The following LRP2 variants were observed in gnomAD, a reference collection of about 807,000 sequenced individuals.
LRP2 encodes low-density lipoprotein receptor-related protein 2.
Under a neutral mutation model 531.0 loss-of-function variants are expected in LRP2, and 172 were observed. That is an observed-to-expected ratio of 0.32 (90% confidence interval 0.29 to 0.37). LRP2 has a LOEUF of 0.37. Ranked by LOEUF, LRP2 falls within the 10% of genes least tolerant of loss-of-function variation. LRP2 has a pLI of 1.00. For missense variants in LRP2, 5,167 were observed against 5,868.3 expected, an observed-to-expected ratio of 0.88 and a Z score of 3.90; for synonymous variants, 1,992 against 2,027.6, an observed-to-expected ratio of 0.98 and a Z score of 0.47.
intron 16 of LRP2, among the ~76,000 whole-genome samples, chr2:169,263,496 T>G (rs888152190): frequency 6.6e-6 from 1 of 150,506 alleles, no homozygotes; most frequent in Non-Finnish European, 1.5e-5. Context: ...CATGAAAAAA[T>G]GCTCACCATC....
chr2:169,297,465 A>G (rs3770615), intron 4 of LRP2, among the ~76,000 whole-genome samples: 6,083 of 152,244 alleles, frequency 0.04, 245 homozygotes, highest in East Asian at 0.22. Context: ...ATTTGGTTTT[A>G]ATGGAAAGAT....
At chr2:169,261,537 A>T (rs974864297) in intron 16 of LRP2, among the ~76,000 whole-genome samples, 1 of 151,752 alleles carries the variant, frequency 6.6e-6, no homozygotes, top group Non-Finnish European at 1.5e-5. Context: ...AAAAAAAAAG[A>T]ACAATGTAAT....
At chr2:169,282,738 G>T in intron 10 of LRP2, 135 bp downstream of exon 10, 1 of 956,920 alleles carries the variant, frequency 1.0e-6, no homozygotes, top group Non-Finnish European at 1.7e-6. Flanking sequence ...GGCAGTAGGA[G>T]CCATCCCTGA....
At chr2:169,342,414 T>C (rs886183468) in intron 1 of LRP2, among the ~76,000 whole-genome samples, 6 of 152,160 alleles carry the variant, frequency 3.9e-5, no homozygotes, top group Non-Finnish European at 8.8e-5. Flanking sequence ...TCTACCCTCA[T>C]CATCTGTCAC....
At chr2:169,174,950 G>A (rs1194423408) in intron 55 of LRP2, among the ~76,000 whole-genome samples, 1 of 148,682 alleles carries the variant, frequency 6.7e-6, no homozygotes. Flanking sequence ...AGCACATGGT[G>A]AAGAGCCACC....
rs1386254805 is a variant in LRP2, at chr2:169,280,423, C to T, written c.1268G>A (p.Arg423His). ...GAAAGCCACACCCACGGCCACTCCACGATTCTGAGACTCCACTAGGATCCG... is the reference window on the plus strand; with the variant it reads ...GAAAGCCACACCCACGGCCACTCCATGATTCTGAGACTCCACTAGGATCCG... The part of the protein sequence containing the change: ...SFRILVESQN[R>H]GVAVGVAFHY... Residue 423 changes from arginine (R) to histidine (H), a missense_variant, in exon 11 of 79, where the codon CGT (arginine) becomes CAT (histidine). By Grantham distance (29) the Arg-to-His change is conservative (BLOSUM62 0). This residue lies in a region of LRP2 where 2,811 missense variants were observed against 3,058.0 expected (regional missense o/e 0.92). Transcript: ENST00000649046. The T allele has an allele frequency of 5.6e-6, 9 of 1,614,056 alleles. No individual in the cohort carries two copies. The highest frequency in any genetic ancestry group is 4.0e-5 in the African/African-American group (3 of 74,912).
chr2:169,133,163 T>C (rs1184855643), intron 76 of LRP2, among the ~76,000 whole-genome samples: 2 of 152,380 alleles, frequency 1.3e-5, no homozygotes, highest in East Asian at 1.9e-4. Context: ...TAAGATTTCA[T>C]AGTACTACTA....
intron 1 of LRP2, among the ~76,000 whole-genome samples, chr2:169,345,434 G>A (rs922720183): frequency 1.3e-5 from 2 of 152,070 alleles, no homozygotes; most frequent in African/African-American, 4.8e-5. Flanking sequence ...CAAATAAAAG[G>A]CAACAGAGAC....
Position 169,244,918 on chromosome 2 carries a change from A to T in LRP2, c.3205T>A (p.Ser1069Thr). ...LCGTLNNTCS[S>T]SAFTCGHGEC... ...CCATGGCCACAGGTGAACGCCGAAG[A>T]TGAACAGGTATTATCTACAATAGTA... The change falls in exon 22 of 79, where the codon TCT becomes ACT. Residue 1069 changes from serine (S) to threonine (T), a missense_variant. This residue lies in a region of LRP2 where 2,811 missense variants were observed against 3,058.0 expected (regional missense o/e 0.92). Coordinates refer to ENST00000649046, the MANE Select transcript of LRP2 (RefSeq NM_004525.3). 1 of 1,614,238 alleles carries T rather than the reference A, an allele frequency of 6.2e-7. No homozygotes were observed. Among genetic ancestry groups the T allele is most frequent in the Non-Finnish European group, 8.5e-7 (1 of 1,180,032 alleles).
At chr2:169,147,002 G>T in intron 68 of LRP2, 43 bp from the exon 69 acceptor site, 2 of 1,436,840 alleles carry the variant, frequency 1.4e-6, no homozygotes, top group Non-Finnish European at 1.9e-6. Flanking sequence ...CACCTGGTAA[G>T]ACTTCTCCAC....
intron 3 of LRP2, 24 bp downstream of exon 3, chr2:169,318,738 C>T: frequency 6.2e-7 from 1 of 1,613,970 alleles, no homozygotes; most frequent in Non-Finnish European, 8.5e-7. Context: ...AAAGCCAAAG[C>T]AAGATTCCTC....
intron 31 of LRP2, among the ~76,000 whole-genome samples, chr2:169,231,293 C>T (rs1334995078): frequency 1.8e-5 from 2 of 114,066 alleles, no homozygotes; most frequent in Non-Finnish European, 3.4e-5. Flanking sequence ...GACCCTGTCT[C>T]AGAAAGAAAA....
At chr2:169,247,126 A>G in intron 20 of LRP2, 140 bp from the exon 21 acceptor site, 1 of 1,090,592 alleles carries the variant, frequency 9.2e-7, no homozygotes, top group Non-Finnish European at 1.3e-6. Flanking sequence ...TTGGAAATCA[A>G]CCCGCCAAAT....
At chr2:169,186,087 G>A in intron 49 of LRP2, 68 bp from the exon 50 acceptor site, 1 of 1,409,134 alleles carries the variant, frequency 7.1e-7, no homozygotes, top group East Asian at 2.3e-5. Flanking sequence ...ATGGTTCAAA[G>A]TCAACATTTC....
chr2:169,233,025 G>A (rs188596941), intron 30 of LRP2, among the ~76,000 whole-genome samples: 1 of 152,330 alleles, frequency 6.6e-6, no homozygotes, highest in African/African-American at 2.4e-5. Context: ...CTAGAAGGCA[G>A]TGGTGCCATA....
At chr2:169,290,407 A>G (rs1254249879) in intron 8 of LRP2, among the ~76,000 whole-genome samples, 2 of 150,718 alleles carry the variant, frequency 1.3e-5, no homozygotes, top group Non-Finnish European at 2.9e-5. Context: ...TGTGTGCGTT[A>G]GGGATTAGGA....
At chr2:169,154,324 G>T in intron 66 of LRP2, 136 bp downstream of exon 66, 1 of 775,670 alleles carries the variant, frequency 1.3e-6, no homozygotes, top group Non-Finnish European at 2.2e-6. Context: ...TCAGGAGCAT[G>T]CTGGATTGGA....
At chr2:169,135,942 G>A (rs1239961697) in intron 76 of LRP2, among the ~76,000 whole-genome samples, 2 of 151,808 alleles carry the variant, frequency 1.3e-5, no homozygotes, top group Non-Finnish European at 2.9e-5. Flanking sequence ...CTGATATCTC[G>A]TGGTGCTATC....
chr2:169,191,736 C>T, intron 48 of LRP2, 96 bp downstream of exon 48: 1 of 1,001,292 alleles, frequency 1.0e-6, no homozygotes, highest in Non-Finnish European at 1.6e-6. Flanking sequence ...ATCATGGGCC[C>T]TGGGCACTGT....
Sources: gnomAD v4.1 joint callset for allele counts (sites outside exome capture counted in the v4.1 genomes callset) on GRCh38, gnomAD v4.1.1 for gene constraint, gnomAD v4.1.1 regional missense constraint, MANE v1.5 for transcripts, NCBI Gene and HGNC (gene_info 2026-07-23, HGNC 2026-07-21) for gene names.